The following PTPRD variants were observed in gnomAD, a reference collection of about 807,000 sequenced individuals.
PTPRD encodes the protein protein tyrosine phosphatase receptor type D.
PTPRD carries 34 observed loss-of-function variants against 214.5 expected under a neutral mutation model. The observed-to-expected ratio is 0.16, with a 90% confidence interval of 0.12 to 0.21. PTPRD has a LOEUF of 0.21. PTPRD is among the 10% of genes least tolerant of loss of function. The pLI, the probability that PTPRD is intolerant of heterozygous loss-of-function variation, is 1.00. For missense variants in PTPRD, 2,545 were observed against 2,398.7 expected, an observed-to-expected ratio of 1.06 and a Z score of -1.27; for synonymous variants, 1,128 against 845.7, an observed-to-expected ratio of 1.33 and a Z score of -5.79.
chr9:10,132,462 T>G (rs1254224445), intron 3 of PTPRD, among the ~76,000 whole-genome samples: 6 of 151,846 alleles, frequency 4.0e-5, no homozygotes, highest in Non-Finnish European at 8.8e-5. Flanking sequence ...AACATGGGAA[T>G]GAGGAGATCC....
chr9:9,004,727 G>C (rs763335410), intron 11 of PTPRD, among the ~76,000 whole-genome samples: 1 of 152,002 alleles, frequency 6.6e-6, no homozygotes, highest in Non-Finnish European at 1.5e-5. Context: ...CCAGAGGTAG[G>C]ACTGAAAATC....
At chr9:8,319,691 T>C in intron 45 of PTPRD, 140 bp downstream of exon 45, 3 of 998,544 alleles carry the variant, frequency 3.0e-6, no homozygotes, top group Non-Finnish European at 2.9e-6. Context: ...AGGGGGAAAA[T>C]GAGGTTCAAA....
intron 3 of PTPRD, among the ~76,000 whole-genome samples, chr9:10,219,594 T>C (rs569785679): frequency 6.6e-5 from 10 of 151,980 alleles, no homozygotes; most frequent in East Asian, 1.9e-4. Context: ...ATAGCAAAGC[T>C]TTTGATAAAG....
At chr9:10,015,480 T>C (rs1199295106) in intron 4 of PTPRD, among the ~76,000 whole-genome samples, 2 of 152,128 alleles carry the variant, frequency 1.3e-5, no homozygotes, top group African/African-American at 2.4e-5. Context: ...AAGGTGAAGT[T>C]GCAATCAACT....
At chr9:9,789,881 T>G (rs951118521) in intron 5 of PTPRD, among the ~76,000 whole-genome samples, 3 of 151,618 alleles carry the variant, frequency 2.0e-5, no homozygotes, top group African/African-American at 7.3e-5. Flanking sequence ...AGGTAAACAT[T>G]GTAGCTACTG....
intron 11 of PTPRD, among the ~76,000 whole-genome samples, chr9:8,994,895 A>G (rs982940442): frequency 6.6e-6 from 1 of 152,062 alleles, no homozygotes; most frequent in African/African-American, 2.4e-5. Context: ...GCTCAAAATT[A>G]AGCTAAAGGG....
intron 10 of PTPRD, among the ~76,000 whole-genome samples, chr9:9,139,108 C>A (rs926559311): frequency 6.6e-6 from 1 of 151,380 alleles, no homozygotes; most frequent in East Asian, 2.0e-4. Flanking sequence ...CTCCCCCCCG[C>A]CCCCACCTTA....
chr9:8,410,107 C>CTGTT (rs1349284303), intron 35 of PTPRD, among the ~76,000 whole-genome samples: 1 of 152,180 alleles, frequency 6.6e-6, no homozygotes, highest in Non-Finnish European at 1.5e-5. Flanking sequence ...TCTCTCTTCT[C>CTGTT]TGTTTGAAAA....
At chr9:9,226,929 G>T (rs2099959857) in intron 9 of PTPRD, among the ~76,000 whole-genome samples, 1 of 151,942 alleles carries the variant, frequency 6.6e-6, no homozygotes, top group South Asian at 2.1e-4. Context: ...TCTAAATTTT[G>T]TTTCCAACAT....
At chr9:8,865,931 A>G (rs1389419303) in intron 11 of PTPRD, among the ~76,000 whole-genome samples, 1 of 152,198 alleles carries the variant, frequency 6.6e-6, no homozygotes, top group African/African-American at 2.4e-5. Context: ...GAATGATTAT[A>G]AAGTTTCATG....
At chr9:8,965,564 T>C (rs2099188487) in intron 11 of PTPRD, among the ~76,000 whole-genome samples, 1 of 152,148 alleles carries the variant, frequency 6.6e-6, no homozygotes, top group South Asian at 2.1e-4. Flanking sequence ...CTTGTTGATA[T>C]GAATCCTTTA....
At chr9:8,364,258 A>G (rs2079211704) in intron 39 of PTPRD, among the ~76,000 whole-genome samples, 1 of 152,274 alleles carries the variant, frequency 6.6e-6, no homozygotes, top group South Asian at 2.1e-4. Flanking sequence ...ACATTACGTT[A>G]AGAAATACAG....
intron 5 of PTPRD, among the ~76,000 whole-genome samples, chr9:9,861,466 A>G (rs1024638774): frequency 6.6e-6 from 1 of 151,914 alleles, no homozygotes; most frequent in African/African-American, 2.4e-5. Flanking sequence ...TAATTTTTGT[A>G]TTTTTAGTAG....
intron 11 of PTPRD, among the ~76,000 whole-genome samples, chr9:8,739,192 G>A (rs1356864866): frequency 1.3e-5 from 2 of 152,196 alleles, no homozygotes; most frequent in Admixed American, 1.3e-4. Context: ...GCTTCAGGGG[G>A]CACCCCAGGA....
intron 5 of PTPRD, among the ~76,000 whole-genome samples, chr9:9,770,254 A>G (rs552191715): frequency 3.3e-5 from 5 of 152,190 alleles, no homozygotes; most frequent in African/African-American, 9.7e-5. Context: ...ATTTCTCCAC[A>G]TACTTTCCAG....
At chr9:9,805,160 C>T (rs1312487766) in intron 5 of PTPRD, among the ~76,000 whole-genome samples, 2 of 152,050 alleles carry the variant, frequency 1.3e-5, no homozygotes, top group African/African-American at 4.8e-5. Flanking sequence ...CCAAATTCTG[C>T]CATTTACTGT....
At chr9:9,060,024 T>A (rs891773679) in intron 10 of PTPRD, among the ~76,000 whole-genome samples, 2 of 152,132 alleles carry the variant, frequency 1.3e-5, no homozygotes, top group African/African-American at 4.8e-5. Context: ...TAAATTTTTG[T>A]TTGTTTGTAT....
At chr9:8,336,681 G>C (rs1387620638) in intron 43 of PTPRD, among the ~76,000 whole-genome samples, 2 of 148,498 alleles carry the variant, frequency 1.3e-5, no homozygotes, top group African/African-American at 2.5e-5. Flanking sequence ...CTACAGAATG[G>C]GAGGAAATTT....
intron 11 of PTPRD, among the ~76,000 whole-genome samples, chr9:8,895,435 A>C (rs549112473): frequency 4.3e-4 from 65 of 152,356 alleles, no homozygotes; most frequent in African/African-American, 1.5e-3. Context: ...AAATTCAGTG[A>C]TAGTGAGTTT....
Sources: allele counts gnomAD v4.1 joint callset (sites outside exome capture counted in the v4.1 genomes callset), GRCh38; gene constraint gnomAD v4.1.1; transcripts MANE v1.5; gene names NCBI Gene and HGNC (gene_info 2026-07-23, HGNC 2026-07-21).